Variants in TXNDC15 observed in about 807,000 individuals in gnomAD.
TXNDC15 encodes the protein thioredoxin domain-containing protein 15.
TXNDC15 carries 24 observed loss-of-function variants against 35.0 expected under a neutral mutation model. That is an observed-to-expected ratio of 0.68 (90% CI 0.50 to 0.96). The LOEUF (loss-of-function observed/expected upper bound fraction) is 0.96. TXNDC15 is among the 40% of genes least tolerant of loss of function. The pLI is 0.00. For missense variants in TXNDC15, 385 were observed against 453.3 expected (o/e 0.85, Z 1.37); for synonymous variants, 169 against 174.0 (o/e 0.97, Z 0.23).
intron 2 of TXNDC15, among the ~76,000 whole-genome samples, chr5:134,891,912 C>CAAAT (rs550947482): frequency 1.2e-3 from 187 of 151,840 alleles, no homozygotes; most frequent in East Asian, 3.7e-3. Flanking sequence ...AAGACCTTGT[C>CAAAT]AAATAAATAA....
chr5:134,873,942 G>A (rs933164313), upstream of TXNDC15: 4 of 153,184 alleles, frequency 2.6e-5, no homozygotes, highest in Non-Finnish European at 5.8e-5. Flanking sequence ...TATTCTATGT[G>A]GCAACCCTAG....
At chr5:134,895,428 C>T (rs891677739) in intron 3 of TXNDC15, among the ~76,000 whole-genome samples, 5 of 152,206 alleles carry the variant, frequency 3.3e-5, no homozygotes, top group Non-Finnish European at 4.4e-5. Context: ...TTCTGGGTCT[C>T]ACACTGTCCC....
At chr5:134,896,934 C>T (rs1750501768) in intron 4 of TXNDC15, among the ~76,000 whole-genome samples, 2 of 149,482 alleles carry the variant, frequency 1.3e-5, no homozygotes, top group Non-Finnish European at 3.0e-5. Flanking sequence ...TGAGCCACCG[C>T]ACCCAGCCTT....
chr5:134,897,623 G>A (rs764004952), intron 4 of TXNDC15, among the ~76,000 whole-genome samples: 16 of 152,156 alleles, frequency 1.1e-4, no homozygotes, highest in Non-Finnish European at 2.1e-4. Flanking sequence ...AACTTTTAAC[G>A]CACATTTTTC....
chr5:134,879,531 A>T (rs1478308402), intron 1 of TXNDC15, among the ~76,000 whole-genome samples: 1 of 151,732 alleles, frequency 6.6e-6, no homozygotes, highest in Non-Finnish European at 1.5e-5. Flanking sequence ...CACAGAAAAC[A>T]TGTGTGTTTG....
rs1257865546 is a variant in TXNDC15 at position 134,888,332 on chromosome 5, C to T, written c.591+150C>T. On this transcript the variant is annotated intron_variant, in intron 2 of 4. Coordinates refer to ENST00000358387, the MANE Select transcript of TXNDC15 (RefSeq NM_024715.4). The stretch of plus-strand genomic sequence containing the variant: ...GCTGCTTCAGTGAAAATCAACTTTG[C>T]CCTCTGTGATGTTTATAGGGAGACG... The T allele has an allele frequency of 1.5e-5, 13 of 844,876 alleles. No individual in the cohort carries two copies. The East Asian group carries it at 2.9e-4, about 19-fold the overall frequency. 52.3% of individuals were successfully genotyped at this position (844,876 alleles called of 1,614,324 possible).
rs1481356828 is a variant in TXNDC15 at position 134,901,528 on chromosome 5, T to A, written c.*1843T>A. The stretch of plus-strand genomic sequence containing the variant: ...TAAGGAAAACTCTAGTGAGTCCACC[T>A]CTTATATTGAGTTATTACTGTGTGA... On this transcript the variant is annotated 3_prime_UTR_variant, in exon 5 of 5. Coordinates refer to ENST00000358387, the MANE Select transcript of TXNDC15 (RefSeq NM_024715.4). The A allele has an allele frequency of 6.6e-6, 1 of 152,220 alleles. No individual in the cohort carries two copies. Among genetic ancestry groups the A allele is most frequent in the African/African-American group, 2.4e-5 (1 of 41,452 alleles). 9.4% of individuals were successfully genotyped at this position (152,220 alleles called of 1,614,324 possible).
intron 1 of TXNDC15, among the ~76,000 whole-genome samples, chr5:134,881,064 A>G (rs1164393917): frequency 6.7e-6 from 1 of 149,920 alleles, no homozygotes; most frequent in East Asian, 1.9e-4. Flanking sequence ...CCAGTACTCC[A>G]GTTACTGTAC....
At position 134,901,110 on chromosome 5, in the gene TXNDC15, G is replaced by A. The variant is rs1750592902; in HGVS notation, c.*1425G>A. The A allele has an allele frequency of 2.0e-5, 3 of 152,160 alleles. No homozygotes were observed. The highest frequency in any genetic ancestry group is 1.3e-4 in the Admixed American group (2 of 15,274). The allele number at this position is 152,160 out of a possible 1,614,324, so 9.4% of individuals were successfully genotyped here. A position where few individuals can be genotyped will look rare whatever the true frequency, so the allele number is the denominator to read the frequency against. ...GCCTAAACAAACTTTTTGAAAAGCT[G>A]TTTCTAAAAGATTCCTTAAATTCAG... On this transcript the variant is annotated 3_prime_UTR_variant, in exon 5 of 5. Transcript: ENST00000358387.
chr5:134,883,587 CAAAAAAAA>C (rs60114636), intron 1 of TXNDC15, among the ~76,000 whole-genome samples: 1,518 of 65,402 alleles, frequency 0.023, 14 homozygotes, highest in Middle Eastern at 0.037. Context: ...GACCCTGTCT[CAAAAAAAA>C]AAAAAAAAAA....
At chr5:134,880,595 C>A (rs549958208) in intron 1 of TXNDC15, among the ~76,000 whole-genome samples, 1 of 151,936 alleles carries the variant, frequency 6.6e-6, no homozygotes, top group East Asian at 1.9e-4. Context: ...CGCTACCATG[C>A]CAGGCTAATT....
upstream of TXNDC15, chr5:134,874,305 T>G (rs1749981380): frequency 1.3e-6 from 1 of 754,284 alleles, no homozygotes. Context: ...CCGCCACAGC[T>G]GCCAGGTGTT....
chr5:134,892,475 T>G (rs1250224882), intron 2 of TXNDC15: 3 of 152,244 alleles, frequency 2.0e-5, no homozygotes, highest in Non-Finnish European at 2.9e-5. Context: ...TTCTTATCAT[T>G]TGCATATTCA....
intron 1 of TXNDC15, among the ~76,000 whole-genome samples, chr5:134,883,610 A>G (rs890789709): frequency 1.5e-5 from 2 of 131,998 alleles, no homozygotes; most frequent in African/African-American, 5.9e-5. Context: ...AAAAAAAAAA[A>G]AGAAAAGAAA....
At chr5:134,895,966 G>C (rs1438866504) in intron 3 of TXNDC15, 1 of 194,264 alleles carries the variant, frequency 5.1e-6, no homozygotes, top group African/African-American at 2.4e-5. Context: ...TGTCAAATAA[G>C]TTGACACAGT....
intron 1 of TXNDC15, among the ~76,000 whole-genome samples, chr5:134,883,587 C>CAAAAAAAAAAAAAAAAAAAAAA (rs60114636): frequency 1.1e-4 from 7 of 65,360 alleles, no homozygotes; most frequent in African/African-American, 5.3e-4. Context: ...GACCCTGTCT[C>CAAAAAAAAAAAAAAAAAAAAAA]AAAAAAAAAA....
At chr5:134,898,708 G>A (rs1750542362) in intron 4 of TXNDC15, among the ~76,000 whole-genome samples, 1 of 152,216 alleles carries the variant, frequency 6.6e-6, no homozygotes, top group African/African-American at 2.4e-5. Context: ...AAATCTGGGA[G>A]TCAGAGCATC....
At chr5:134,898,160 G>T (rs1750532353) in intron 4 of TXNDC15, among the ~76,000 whole-genome samples, 1 of 152,206 alleles carries the variant, frequency 6.6e-6, no homozygotes, top group Non-Finnish European at 1.5e-5. Flanking sequence ...TATTAATGGA[G>T]ACATGCAGGA....
chr5:134,897,419 T>C (rs1750515496), intron 4 of TXNDC15, among the ~76,000 whole-genome samples: 1 of 151,968 alleles, frequency 6.6e-6, no homozygotes, highest in Non-Finnish European at 1.5e-5. Context: ...GGCTAATTTT[T>C]GTATTTTTTA....
Sources: allele counts gnomAD v4.1 joint callset (sites outside exome capture counted in the v4.1 genomes callset), GRCh38; gene constraint gnomAD v4.1.1; transcripts MANE v1.5; gene names NCBI Gene and HGNC (gene_info 2026-07-23, HGNC 2026-07-21).